The following GGH variants were observed in gnomAD, a reference collection of about 807,000 sequenced individuals.
GGH encodes gamma-Glu-X carboxypeptidase.
In GGH, 18 loss-of-function variants were observed where a neutral mutation model predicts 39.2. That is an observed-to-expected ratio of 0.46 (90% confidence interval 0.32 to 0.68). GGH has a LOEUF of 0.68. Ranked by LOEUF, GGH falls within the 30% of genes least tolerant of loss-of-function variation. GGH has a pLI of 0.04. For synonymous variants in GGH, 147 were observed against 138.8 expected, an observed-to-expected ratio of 1.06 and a Z score of -0.42; for missense variants, 367 against 384.1, an observed-to-expected ratio of 0.96 and a Z score of 0.37.
intron 5 of GGH, 71 bp downstream of exon 5, chr8:63,026,087 A>C: frequency 1.6e-6 from 2 of 1,219,824 alleles, no homozygotes; most frequent in Non-Finnish European, 2.3e-6. Context: ...AAGCACTTTT[A>C]CTTTCATATT....
At chr8:63,017,234 A>T (rs1283913129) in intron 8 of GGH, 2 of 358,356 alleles carry the variant, frequency 5.6e-6, no homozygotes, top group African/African-American at 4.2e-5. Flanking sequence ...AAAACTCTCA[A>T]CATTCTTCAC....
chr8:63,016,032 G>C (rs1804482380), intron 8 of GGH, among the ~76,000 whole-genome samples: 1 of 152,214 alleles, frequency 6.6e-6, no homozygotes, highest in Non-Finnish European at 1.5e-5. Context: ...AGAGAAGTGA[G>C]ACATTTTCAC....
intron 1 of GGH, among the ~76,000 whole-genome samples, 163 bp downstream of exon 1, chr8:63,038,480 CAGGTACATTTCAGTACG>C (rs1435099708): frequency 6.6e-6 from 1 of 152,254 alleles, no homozygotes; most frequent in African/African-American, 2.4e-5. Flanking sequence ...GTACCTCAAC[CAGGTACATTTCAGTACG>C]ACCTAAATGG....
chr8:63,031,581 A>G (rs1425088944), intron 2 of GGH, among the ~76,000 whole-genome samples: 2 of 152,146 alleles, frequency 1.3e-5, no homozygotes, highest in Non-Finnish European at 2.9e-5. Flanking sequence ...ACACAGCTGC[A>G]CTCCAAGGAT....
chr8:63,026,102 A>T (rs1804678176), intron 5 of GGH, 56 bp downstream of exon 5: 1 of 1,368,994 alleles, frequency 7.3e-7, no homozygotes, highest in Non-Finnish European at 9.9e-7. Flanking sequence ...CATATTTGCT[A>T]CTTACTAATC....
In GGH at chr8:63,018,163, A is replaced by T. The variant is rs1804520507; in HGVS notation, c.698-533T>A. Among the ~76,000 whole-genome samples, 3 of 152,230 alleles carry T rather than the reference A, an allele frequency of 2.0e-5. No homozygotes were observed. The South Asian group carries it at 6.2e-4, about 32-fold the overall frequency. The stretch of plus-strand genomic sequence containing the variant: ...AAATATTTTTTAGAAGTTTAAAAGC[A>T]GACATAAAACAAGAAGGGAAACAGA... On this transcript the variant is annotated intron_variant, in intron 7 of 8. Transcript: ENST00000260118.
At chr8:63,028,118 T>C (rs540037090) in intron 3 of GGH, 1 of 152,248 alleles carries the variant, frequency 6.6e-6, no homozygotes, top group Admixed American at 6.5e-5. Flanking sequence ...TATATTCTGT[T>C]TCTTCCATGA....
chr8:63,017,437 G>C (rs928439177), intron 8 of GGH, 56 bp downstream of exon 8: 1 of 1,237,508 alleles, frequency 8.1e-7, no homozygotes, highest in African/African-American at 1.5e-5. Context: ...GTTCAGATAA[G>C]GGCAATTTTC....
At chr8:63,035,958 GATCT>G (rs546883042) in intron 1 of GGH, among the ~76,000 whole-genome samples, 188 bp from the exon 2 acceptor site, 162 of 152,240 alleles carry the variant, frequency 1.1e-3, no homozygotes, top group Non-Finnish European at 4.0e-4. Context: ...CTTTCAAGTA[GATCT>G]ATCTCTCACC....
chr8:63,025,596 G>A (rs1212267838), intron 5 of GGH, among the ~76,000 whole-genome samples: 2 of 152,092 alleles, frequency 1.3e-5, no homozygotes, highest in African/African-American at 4.8e-5. Context: ...AGCCAGGTGT[G>A]GTAGGGTGCC....
At chr8:63,021,007 A>G (rs1804575451) in intron 7 of GGH, among the ~76,000 whole-genome samples, 1 of 152,182 alleles carries the variant, frequency 6.6e-6, no homozygotes, top group African/African-American at 2.4e-5. Context: ...TAATACTTCC[A>G]AAGCCCTTCT....
At chr8:63,032,045 GT>G (rs1410414688) in intron 2 of GGH, among the ~76,000 whole-genome samples, 1 of 152,004 alleles carries the variant, frequency 6.6e-6, no homozygotes, top group African/African-American at 2.4e-5. Context: ...GGTCTTTGGG[GT>G]TTTTTTGAGA....
At chr8:63,034,857 G>A (rs895384306) in intron 2 of GGH, among the ~76,000 whole-genome samples, 17 of 152,012 alleles carry the variant, frequency 1.1e-4, no homozygotes, top group South Asian at 2.1e-4. Flanking sequence ...GAACAAAGCT[G>A]GTTAAATTGT....
chr8:63,033,586 T>A (rs1804844447), intron 2 of GGH, among the ~76,000 whole-genome samples: 2 of 152,172 alleles, frequency 1.3e-5, no homozygotes, highest in African/African-American at 4.8e-5. Flanking sequence ...AGTTGTAATG[T>A]CTCCTCTTTC....
At chr8:63,038,207 G>C (rs1182941687) in intron 1 of GGH, among the ~76,000 whole-genome samples, 2 of 152,164 alleles carry the variant, frequency 1.3e-5, no homozygotes, top group South Asian at 2.1e-4. Context: ...CAAAATCCAA[G>C]TTATACCTTA....
At chr8:63,032,170 C>T (rs1163152299) in intron 2 of GGH, among the ~76,000 whole-genome samples, 2 of 151,862 alleles carry the variant, frequency 1.3e-5, no homozygotes, top group African/African-American at 4.8e-5. Flanking sequence ...AGTAGCTGGG[C>T]CCATAGGTGC....
chr8:63,032,489 C>T (rs944313304), intron 2 of GGH, among the ~76,000 whole-genome samples: 1 of 152,130 alleles, frequency 6.6e-6, no homozygotes, highest in East Asian at 1.9e-4. Context: ...GAGCACCAAG[C>T]GCCTGAGACA....
Position 63,023,948 on chromosome 8 carries a change from G to A in GGH, c.656C>T (p.Thr219Ile), listed in dbSNP as rs1218872446. Residue 219 changes from threonine to isoleucine, a missense_variant, in exon 7 of 9, where the codon ACA becomes ATA. Physicochemically the swap from Thr to Ile is moderately conservative, Grantham distance 89. Transcript: ENST00000260118. ...AAACTCAATCTTGCCATCTGTATTT[G>A]TAGTTAAGACATTGAAAAACTTCTT... Reference protein sequence around the residue: ...KLKKFFNVLTTNTDGKIEFIS... With the variant: ...KLKKFFNVLTINTDGKIEFIS... 1.9e-6 allele frequency: 3 copies of A among 1,593,860 alleles called. No homozygotes were observed. The highest frequency in any genetic ancestry group is 1.7e-4 in the Middle Eastern group (1 of 5,974).
rs538760254 is a variant in GGH at position 63,025,765 on chromosome 8, A to C, written c.499+393T>G. On this transcript the variant is annotated intron_variant, in intron 5 of 8. Coordinates refer to ENST00000260118, the MANE Select transcript of GGH (RefSeq NM_003878.3). Reference sequence around the variant, plus strand: ...AAAAAAAATCTTATTTAATATTCACAAAAAAAACCCCTAAGCGTTATTAGA... The same window carrying C: ...AAAAAAAATCTTATTTAATATTCACCAAAAAAACCCCTAAGCGTTATTAGA... Among the ~76,000 whole-genome samples, 5 of 151,834 alleles carry C rather than the reference A, an allele frequency of 3.3e-5. No individual in the cohort carries two copies. The South Asian group carries it at 1.0e-3, about 32-fold the overall frequency.
Sources: gnomAD v4.1 joint callset for allele counts (sites outside exome capture counted in the v4.1 genomes callset) on GRCh38, gnomAD v4.1.1 for gene constraint, MANE v1.5 for transcripts, NCBI Gene and HGNC (gene_info 2026-07-23, HGNC 2026-07-21) for gene names.